The following SLC2A13 variants were observed in gnomAD, a reference collection of about 807,000 sequenced individuals.
SLC2A13 encodes the protein proton myo-inositol cotransporter.
SLC2A13 carries 32 observed loss-of-function variants against 64.4 expected under a neutral mutation model. The ratio of observed to expected loss-of-function variants is 0.50; its 90% CI spans 0.37 to 0.67. The LOEUF (loss-of-function observed/expected upper bound fraction) is 0.67. Among genes scored for constraint, SLC2A13 ranks in the 30% least tolerant of loss-of-function variants. The probability of loss-of-function intolerance (pLI) is 0.00; values close to 1 mark genes in which losing one functional copy is unlikely to be tolerated. For missense variants in SLC2A13, 743 were observed against 829.2 expected (o/e 0.90, Z 1.28); for synonymous variants, 338 against 327.1 (o/e 1.03, Z -0.36).
intron 6 of SLC2A13, among the ~76,000 whole-genome samples, chr12:39,833,317 T>C (rs2135854332): frequency 6.6e-6 from 1 of 152,238 alleles, no homozygotes; most frequent in East Asian, 1.9e-4. Context: ...AGAACACCTA[T>C]ATAGATCCCC....
At chr12:40,002,674 T>C (rs1404659103) in intron 3 of SLC2A13, among the ~76,000 whole-genome samples, 2 of 152,140 alleles carry the variant, frequency 1.3e-5, no homozygotes, top group Non-Finnish European at 2.9e-5. Context: ...CTGAGAATAA[T>C]ATGACACAAT....
chr12:39,929,143 G>A (rs1240468586), intron 4 of SLC2A13, among the ~76,000 whole-genome samples: 1 of 152,158 alleles, frequency 6.6e-6, no homozygotes, highest in African/African-American at 2.4e-5. Flanking sequence ...AACAACCCAA[G>A]TCTGGGGACT....
intron 6 of SLC2A13, among the ~76,000 whole-genome samples, chr12:39,855,972 G>A (rs1194731703): frequency 6.6e-6 from 1 of 152,154 alleles, no homozygotes; most frequent in Admixed American, 6.6e-5. Flanking sequence ...TATGCCCAGA[G>A]ACCTGCAGGC....
chr12:39,778,451 G>C (rs1048109981), intron 7 of SLC2A13, among the ~76,000 whole-genome samples: 8 of 151,410 alleles, frequency 5.3e-5, no homozygotes, highest in African/African-American at 1.7e-4. Context: ...TATATCACAG[G>C]GACGAAGTTA....
chr12:39,977,679 G>C (rs28370736), intron 3 of SLC2A13, among the ~76,000 whole-genome samples: 1 of 152,168 alleles, frequency 6.6e-6, no homozygotes, highest in Non-Finnish European at 1.5e-5. Context: ...GACACACTCC[G>C]AATATCCTCA....
intron 1 of SLC2A13, among the ~76,000 whole-genome samples, chr12:40,060,123 G>A (rs1235051724): frequency 6.6e-6 from 1 of 152,044 alleles, no homozygotes; most frequent in Non-Finnish European, 1.5e-5. Flanking sequence ...ATGGATGGAT[G>A]GATGCATCGA....
At chr12:40,055,852 C>A (rs910898191) in intron 1 of SLC2A13, among the ~76,000 whole-genome samples, 1 of 151,906 alleles carries the variant, frequency 6.6e-6, no homozygotes, top group African/African-American at 2.4e-5. Flanking sequence ...TTAAAATATT[C>A]TTTTCCAAAA....
At chr12:39,984,124 A>G (rs892548466) in intron 3 of SLC2A13, among the ~76,000 whole-genome samples, 20 of 151,682 alleles carry the variant, frequency 1.3e-4, no homozygotes, top group African/African-American at 4.8e-4. Flanking sequence ...GTGGGAACTG[A>G]ACAATGAGAT....
At chr12:39,784,935 G>T (rs1941131690) in intron 7 of SLC2A13, among the ~76,000 whole-genome samples, 1 of 152,202 alleles carries the variant, frequency 6.6e-6, no homozygotes, top group Non-Finnish European at 1.5e-5. Flanking sequence ...TTTCTAAGCA[G>T]CAAAGCATTC....
intron 7 of SLC2A13, among the ~76,000 whole-genome samples, chr12:39,786,584 C>T (rs1449348373): frequency 1.3e-5 from 2 of 152,144 alleles, no homozygotes; most frequent in African/African-American, 2.4e-5. Flanking sequence ...GCATATAAAG[C>T]ACAAGGAGAG....
chr12:39,858,946 C>A (rs530478425), intron 6 of SLC2A13, among the ~76,000 whole-genome samples: 1 of 151,992 alleles, frequency 6.6e-6, no homozygotes, highest in South Asian at 2.1e-4. Flanking sequence ...GTTTTATGAT[C>A]GAATCTGACA....
At chr12:39,866,193 TA>T (rs1027894317) in intron 5 of SLC2A13, among the ~76,000 whole-genome samples, 11 of 152,196 alleles carry the variant, frequency 7.2e-5, no homozygotes, top group African/African-American at 2.2e-4. Flanking sequence ...AAATAGATTT[TA>T]AAAAGAACAT....
chr12:39,953,506 CTA>C (rs1243734867), intron 3 of SLC2A13, among the ~76,000 whole-genome samples: 3 of 152,012 alleles, frequency 2.0e-5, no homozygotes, highest in African/African-American at 7.2e-5. Flanking sequence ...ATCACAGAAT[CTA>C]TGAGGCAGAA....
chr12:40,058,764 C>T (rs561421740), intron 1 of SLC2A13, among the ~76,000 whole-genome samples: 2 of 152,198 alleles, frequency 1.3e-5, no homozygotes, highest in African/African-American at 4.8e-5. Flanking sequence ...ATATAGCTAC[C>T]TAACATTTAC....
chr12:40,060,774 C>G (rs1025200326), intron 1 of SLC2A13, among the ~76,000 whole-genome samples: 4 of 152,044 alleles, frequency 2.6e-5, no homozygotes, highest in Non-Finnish European at 2.9e-5. Context: ...TTTAGATAAA[C>G]AGTGATCCCA....
At chr12:39,884,081 C>T (rs1392479072) in intron 4 of SLC2A13, among the ~76,000 whole-genome samples, 1 of 152,148 alleles carries the variant, frequency 6.6e-6, no homozygotes, top group Admixed American at 6.5e-5. Flanking sequence ...AAATGTCATA[C>T]ATTGTATTCA....
intron 3 of SLC2A13, among the ~76,000 whole-genome samples, chr12:40,016,831 T>C (rs533196433): frequency 1.2e-4 from 19 of 152,330 alleles, no homozygotes; most frequent in South Asian, 4.1e-4. Context: ...TTATAAATAC[T>C]TGATGTCAAA....
rs10633826 is a variant in SLC2A13 at position 40,100,969 on chromosome 12, C to CAAAAA, written c.556+4279_556+4283dup. On this transcript the variant is annotated intron_variant, in intron 1 of 9. Coordinates refer to ENST00000280871, the MANE Select transcript of SLC2A13 (RefSeq NM_052885.4). ...GACAAGAGTGAAGTTCCATCTCAGA[C>CAAAAA]AAAAAAAAAAAAAAAAAAAAAGATT... Among the ~76,000 whole-genome samples the CAAAAA allele has an allele frequency of 1.8e-3, 154 of 83,768 alleles. 1 individual carries two copies. The highest frequency in any genetic ancestry group is 8.9e-3 in the Middle Eastern group (1 of 112). The allele number at this position is 83,768 out of a possible 152,430, so 55.0% of individuals were successfully genotyped here. A position where few individuals can be genotyped will look rare whatever the true frequency, so the allele number is the denominator to read the frequency against.
At chr12:39,963,967 G>C (rs910904375) in intron 3 of SLC2A13, among the ~76,000 whole-genome samples, 2 of 152,050 alleles carry the variant, frequency 1.3e-5, no homozygotes, top group Non-Finnish European at 2.9e-5. Flanking sequence ...CTTATGTTGG[G>C]GCAGAGTATC....
Sources: gnomAD v4.1 joint callset for allele counts (sites outside exome capture counted in the v4.1 genomes callset) on GRCh38, gnomAD v4.1.1 for gene constraint, MANE v1.5 for transcripts, NCBI Gene and HGNC (gene_info 2026-07-23, HGNC 2026-07-21) for gene names.